The following TEX9 variants were observed in gnomAD, a reference collection of about 807,000 sequenced individuals.
TEX9 encodes the protein testis expressed 9, also known as testis-expressed protein 9.
In TEX9, 74 loss-of-function variants were observed where a neutral mutation model predicts 59.6. The ratio of observed to expected loss-of-function variants is 1.24; its 90% CI spans 1.03 to 1.51. TEX9 has a LOEUF of 1.51. Among genes scored for constraint, TEX9 ranks in the 40% most tolerant of loss-of-function variants. TEX9 has a pLI of 0.00. For synonymous variants in TEX9, 186 were observed against 152.2 expected, an observed-to-expected ratio of 1.22 and a Z score of -1.64; for missense variants, 522 against 447.8, an observed-to-expected ratio of 1.17 and a Z score of -1.49.
At chr15:56,290,365 C>T (rs2045059711) in intron 1 of TEX9, among the ~76,000 whole-genome samples, 1 of 152,114 alleles carries the variant, frequency 6.6e-6, no homozygotes, top group Non-Finnish European at 1.5e-5. Context: ...TGCTGCATGG[C>T]TGATACCAAT....
chr15:56,286,640 C>T (rs2044960258), intron 1 of TEX9, among the ~76,000 whole-genome samples: 2 of 152,160 alleles, frequency 1.3e-5, no homozygotes, highest in Non-Finnish European at 2.9e-5. Flanking sequence ...GTGTAAGACA[C>T]TGAAATTATA....
intron 1 of TEX9, among the ~76,000 whole-genome samples, chr15:56,274,374 T>C (rs1377256943): frequency 6.6e-6 from 1 of 152,218 alleles, no homozygotes; most frequent in East Asian, 1.9e-4. Flanking sequence ...ATGTTGTTAA[T>C]TTTTTCCCAC....
intron 9 of TEX9, chr15:56,408,485 C>T (rs561979734): frequency 1.3e-5 from 2 of 152,320 alleles, no homozygotes; most frequent in South Asian, 4.1e-4. Context: ...TCATTCAGTT[C>T]CATGGCTTTA....
intron 1 of TEX9, among the ~76,000 whole-genome samples, chr15:56,302,378 A>G (rs941640172): frequency 1.3e-5 from 2 of 150,668 alleles, no homozygotes; most frequent in East Asian, 2.0e-4. Context: ...TAAAATAGCT[A>G]TGTGTGCTGG....
rs201963952 is a variant in TEX9, at chr15:56,371,204, A to G, written c.120-2237A>G. Among the ~76,000 whole-genome samples, 19 of 152,258 alleles carry G rather than the reference A, an allele frequency of 1.2e-4. No individual in the cohort carries two copies. The East Asian group carries it at 3.3e-3, about 26-fold the overall frequency. The stretch of plus-strand genomic sequence containing the variant: ...AGTAGGAACATAACATCTGTCTTCA[A>G]TGGATGTTAACCTGTCTTTTGTGTT... On this transcript the variant is annotated intron_variant, in intron 2 of 12. Coordinates refer to ENST00000352903, the Ensembl canonical transcript of TEX9.
At chr15:56,401,692 C>A (rs1295301485) in intron 9 of TEX9, among the ~76,000 whole-genome samples, 2 of 152,280 alleles carry the variant, frequency 1.3e-5, no homozygotes, top group East Asian at 3.9e-4. Context: ...TTCTTCTCAG[C>A]ACATCACACT....
intron 1 of TEX9, among the ~76,000 whole-genome samples, chr15:56,260,251 A>G (rs2044234098): frequency 6.6e-6 from 1 of 152,100 alleles, no homozygotes; most frequent in African/African-American, 2.4e-5. Context: ...ACTGACTAGG[A>G]CCTGCAGTGC....
intron 1 of TEX9, among the ~76,000 whole-genome samples, chr15:56,257,252 G>A (rs1272127265): frequency 5.3e-5 from 8 of 151,958 alleles, no homozygotes; most frequent in Admixed American, 5.3e-4. Context: ...GAACATACAT[G>A]TGCATATGCT....
chr15:56,366,881 ATCT>A (rs1282057316), intron 2 of TEX9, among the ~76,000 whole-genome samples: 3 of 152,224 alleles, frequency 2.0e-5, no homozygotes, highest in Admixed American at 6.5e-5. Context: ...AGATAATCAT[ATCT>A]TCTTCTCTCT....
chr15:56,365,974 C>A, intron 2 of TEX9: 1 of 998,716 alleles, frequency 1.0e-6, no homozygotes, highest in Non-Finnish European at 1.3e-6. Flanking sequence ...GCAGGAATTG[C>A]CACGAATAGT....
At chr15:56,451,349 A>G in the TEX9 span, among the ~76,000 whole-genome samples, 3 of 152,242 alleles carry the variant, frequency 2.0e-5, no homozygotes, top group African/African-American at 7.2e-5. Flanking sequence ...GAATGAGGAA[A>G]GGGCAAGTGA....
chr15:56,285,811 A>G (rs1276258758), intron 1 of TEX9, among the ~76,000 whole-genome samples: 2 of 152,226 alleles, frequency 1.3e-5, no homozygotes. Flanking sequence ...AAAAAATTAT[A>G]GGTAAAACCT....
At chr15:56,342,613 A>G (rs1173745817) in intron 1 of TEX9, among the ~76,000 whole-genome samples, 4 of 152,044 alleles carry the variant, frequency 2.6e-5, no homozygotes, top group African/African-American at 9.7e-5. Context: ...ACATTGGCCC[A>G]GTGCAGTGAG....
chr15:56,270,735 G>A (rs923945237), intron 1 of TEX9, among the ~76,000 whole-genome samples: 6 of 152,124 alleles, frequency 3.9e-5, no homozygotes, highest in African/African-American at 1.4e-4. Flanking sequence ...AGCATTGATG[G>A]TCTTTACAAT....
chr15:56,375,020 A>G (rs1477315647), intron 3 of TEX9, among the ~76,000 whole-genome samples: 2 of 152,094 alleles, frequency 1.3e-5, no homozygotes, highest in Non-Finnish European at 2.9e-5. Context: ...GGAAGTGCAG[A>G]TATCTCTTTG....
intron 1 of TEX9, among the ~76,000 whole-genome samples, chr15:56,338,362 T>A (rs907026235): frequency 2.0e-5 from 3 of 152,226 alleles, no homozygotes; most frequent in Non-Finnish European, 4.4e-5. Context: ...CACATGATAC[T>A]GTTCTTTCAA....
intron 12 of TEX9, chr15:56,444,761 A>G: frequency 2.6e-6 from 3 of 1,134,748 alleles, no homozygotes; most frequent in Non-Finnish European, 3.8e-6. Flanking sequence ...TGAATATTAT[A>G]AAGTCTTTTA....
intron 9 of TEX9, chr15:56,408,480 C>G (rs1423494195): frequency 6.6e-6 from 1 of 152,190 alleles, no homozygotes; most frequent in East Asian, 1.9e-4. Context: ...TTATCTCATT[C>G]AGTTCCATGG....
chr15:56,451,446 A>G, the TEX9 span, among the ~76,000 whole-genome samples: 3 of 152,140 alleles, frequency 2.0e-5, no homozygotes, highest in African/African-American at 7.2e-5. Context: ...ATGCTACCCA[A>G]ATTTCTTATA....
Sources: allele counts gnomAD v4.1 joint callset (sites outside exome capture counted in the v4.1 genomes callset), GRCh38; gene constraint gnomAD v4.1.1; transcripts MANE v1.5; gene names NCBI Gene and HGNC (gene_info 2026-07-23, HGNC 2026-07-21).